PTPRC: variants seen among roughly 807,000 people sequenced by gnomAD.
PTPRC encodes the protein receptor-type tyrosine-protein phosphatase C.
Under a neutral mutation model 155.9 loss-of-function variants are expected in PTPRC, and 44 were observed. The observed-to-expected ratio is 0.28, with a 90% CI of 0.22 to 0.36. The LOEUF is 0.36. PTPRC is among the 10% of genes least tolerant of loss of function. The pLI is 1.00. For synonymous variants in PTPRC, 525 were observed against 533.1 expected (o/e 0.98, Z 0.21); for missense variants, 1,401 against 1,564.6 (o/e 0.90, Z 1.76).
chr1:198,693,207 T>C (rs530006600), intron 3 of PTPRC: 1 of 852,656 alleles, frequency 1.2e-6, no homozygotes, highest in African/African-American at 1.8e-5. Flanking sequence ...TCCGTCCAAA[T>C]GAAGAAAACA....
intron 13 of PTPRC, 37 bp from the exon 14 acceptor site, chr1:198,718,057 T>G: frequency 6.6e-7 from 1 of 1,510,010 alleles, no homozygotes; most frequent in Non-Finnish European, 9.2e-7. Flanking sequence ...ATGCATCTAT[T>G]AAATTATTAA....
intron 2 of PTPRC, chr1:198,679,900 C>T: frequency 1.6e-6 from 1 of 613,108 alleles, no homozygotes; most frequent in Non-Finnish European, 2.9e-6. Flanking sequence ...GCTGGTGGGT[C>T]TGTTAACCTA....
chr1:198,738,481 C>T (rs951769855), intron 23 of PTPRC, among the ~76,000 whole-genome samples: 3 of 151,880 alleles, frequency 2.0e-5, no homozygotes, highest in African/African-American at 4.8e-5. Flanking sequence ...ACCATCCTTG[C>T]ATCCCTTGGA....
At chr1:198,657,435 TA>T (rs1381426853) in intron 2 of PTPRC, 3 of 152,240 alleles carry the variant, frequency 2.0e-5, no homozygotes, top group African/African-American at 7.2e-5. Flanking sequence ...TCCTTTTAAA[TA>T]AAAATGCATT....
Position 198,660,030 on chromosome 1 carries a change from CATATATATATATAT to C in PTPRC, c.73+20714_73+20727del, listed in dbSNP as rs34796231. On this transcript the variant is annotated intron_variant, in intron 2 of 32. Transcript: ENST00000442510. ...AGATATATTTGTCCATATATATGTC[CATATATATATATAT>C]ATATATATATATATATATATATATG... 2.8e-4 allele frequency among the ~76,000 whole-genome samples: 32 copies of C among 115,918 alleles called. 1 individual carries two copies. The highest frequency in any genetic ancestry group is 7.3e-4 in the African/African-American group (22 of 30,042). 76.0% of individuals were successfully genotyped at this position (115,918 alleles called of 152,430 possible). A position where few individuals can be genotyped will look rare whatever the true frequency, so the allele number is the denominator to read the frequency against.
chr1:198,753,215 A>G (rs1270340845), intron 31 of PTPRC, among the ~76,000 whole-genome samples: 2 of 152,024 alleles, frequency 1.3e-5, no homozygotes, highest in Non-Finnish European at 2.9e-5. Context: ...TTTAAGTTAA[A>G]TATTAACTGA....
intron 15 of PTPRC, among the ~76,000 whole-genome samples, chr1:198,723,663 AATAGGCCAG>A (rs1250158056): frequency 2.0e-5 from 3 of 152,190 alleles, no homozygotes; most frequent in African/African-American, 7.2e-5. Flanking sequence ...CTCACATCTT[AATAGGCCAG>A]ATCTGAAACA....
intron 2 of PTPRC, among the ~76,000 whole-genome samples, chr1:198,656,764 A>G (rs561160506): frequency 6.6e-6 from 1 of 151,784 alleles, no homozygotes; most frequent in East Asian, 1.9e-4. Context: ...CGGGTGAACA[A>G]GGAAACTTTA....
At chr1:198,740,338 G>A (rs1216589732) in intron 23 of PTPRC, among the ~76,000 whole-genome samples, 1 of 152,042 alleles carries the variant, frequency 6.6e-6, no homozygotes, top group African/African-American at 2.4e-5. Flanking sequence ...AGTACTTTAA[G>A]AGGACAAGTC....
intron 27 of PTPRC, 23 bp downstream of exon 27, chr1:198,748,222 T>G (rs1165806427): frequency 1.0e-5 from 16 of 1,588,694 alleles, no homozygotes; most frequent in Non-Finnish European, 1.4e-5. Context: ...TTTTTTTATT[T>G]TTTGTATCAG....
At chr1:198,710,169 A>G (rs1469750987) in intron 11 of PTPRC, among the ~76,000 whole-genome samples, 1 of 152,176 alleles carries the variant, frequency 6.6e-6, no homozygotes, top group Admixed American at 6.5e-5. Context: ...GCATATGGCC[A>G]TCTAATTTTT....
chr1:198,703,502 G>T, intron 7 of PTPRC, 130 bp downstream of exon 7: 1 of 1,410,622 alleles, frequency 7.1e-7, no homozygotes, highest in Non-Finnish European at 9.9e-7. Context: ...AATCCTGAGG[G>T]TGATGGAACA....
chr1:198,722,395 T>A lies in PTPRC; in HGVS notation c.1660-21T>A, dbSNP rs200487947. The A allele has an allele frequency of 3.1e-4, 418 of 1,364,808 alleles. 3 individuals carry two copies. In the South Asian group the frequency reaches 4.1e-3, roughly 13 times the overall value. The allele number at this position is 1,364,808 out of a possible 1,614,324, so 84.5% of individuals were successfully genotyped here. On this transcript the variant is annotated intron_variant, in intron 14 of 32. Coordinates refer to ENST00000442510, the MANE Select transcript of PTPRC (RefSeq NM_002838.5). ...TCACATTAGCAAACTAATTATTTTA[T>A]TTTTTGTTACTGAAATTCAGGCCTA...
At position 198,748,100 on chromosome 1, in the gene PTPRC, T is replaced by TC. The variant is rs1655221569; in HGVS notation, c.2848-9_2848-8insC. ...AAAGGAGTTTTTCTGTTTTTTTTTTTTTTTTCAGAGACTTCCTTCATATAG... is the reference window on the plus strand; with the variant it reads ...AAAGGAGTTTTTCTGTTTTTTTTTTTCTTTTTCAGAGACTTCCTTCATATAG... On this transcript the variant is annotated splice_polypyrimidine_tract_variant and intron_variant, in intron 26 of 32. Transcript: ENST00000442510. 1.9e-6 allele frequency: 3 copies of TC among 1,589,578 alleles called. No homozygotes were observed. The highest frequency in any genetic ancestry group is 2.6e-6 in the Non-Finnish European group (3 of 1,168,120).
intron 2 of PTPRC, among the ~76,000 whole-genome samples, chr1:198,642,857 G>A (rs1159360821): frequency 2.7e-5 from 4 of 150,754 alleles, no homozygotes; most frequent in Admixed American, 2.0e-4. Flanking sequence ...AATGATCTGG[G>A]GGCTAGGCCT....
intron 31 of PTPRC, 67 bp downstream of exon 31, chr1:198,752,839 C>G (rs1033005681): frequency 1.3e-6 from 2 of 1,526,450 alleles, no homozygotes; most frequent in African/African-American, 2.7e-5. Flanking sequence ...CACATGTTGT[C>G]TTATCTAGTT....
chr1:198,642,907 CCTTTCTTTCTTTCTTT>C (rs550706909), intron 2 of PTPRC, among the ~76,000 whole-genome samples: 42 of 93,762 alleles, frequency 4.5e-4, no homozygotes, highest in African/African-American at 1.5e-3. Context: ...TTTCTTTCTT[CCTTTCTTTCTTTCTTT>C]CTTTCTTTCT....
At chr1:198,741,402 A>G (rs1325870325) in intron 23 of PTPRC, among the ~76,000 whole-genome samples, 3 of 151,772 alleles carry the variant, frequency 2.0e-5, no homozygotes, top group Non-Finnish European at 4.4e-5. Context: ...CTCACATATG[A>G]ATTAGTTCTG....
At chr1:198,735,896 G>A (rs1654613818) in intron 23 of PTPRC, among the ~76,000 whole-genome samples, 1 of 151,536 alleles carries the variant, frequency 6.6e-6, no homozygotes, top group African/African-American at 2.4e-5. Flanking sequence ...CTTTCATTTT[G>A]TGATGGTGAA....
Sources: allele counts gnomAD v4.1 joint callset (sites outside exome capture counted in the v4.1 genomes callset), GRCh38; gene constraint gnomAD v4.1.1; transcripts MANE v1.5; gene names NCBI Gene and HGNC (gene_info 2026-07-23, HGNC 2026-07-21).